Variants in STXBP5L observed in about 807,000 individuals in gnomAD.
STXBP5L encodes the protein syntaxin-binding protein 5-like.
STXBP5L carries 65 observed loss-of-function variants against 144.5 expected under a neutral mutation model. The ratio of observed to expected loss-of-function variants is 0.45; its 90% CI spans 0.37 to 0.55. STXBP5L has a LOEUF of 0.55. Ranked by LOEUF, STXBP5L falls within the 20% of genes least tolerant of loss-of-function variation. STXBP5L has a pLI of 0.00. For missense variants in STXBP5L, 1,298 were observed against 1,405.5 expected (o/e 0.92, Z 1.22); for synonymous variants, 505 against 469.6 (o/e 1.08, Z -0.97).
rs538396189 is a variant in STXBP5L, at chr3:121,045,444, G to A, written c.379G>A (p.Val127Ile). The change falls in exon 5 of 27, where the codon GTC (valine) becomes ATC (isoleucine). Residue 127 changes from valine (V) to isoleucine (I), a missense_variant. Val to Ile is a conservative substitution (Grantham distance 29, BLOSUM62 3). Coordinates refer to ENST00000471454, the MANE Select transcript of STXBP5L (RefSeq NM_001308330.2). Reference sequence around the variant, plus strand: ...CTTCTTTTTGTTCTAGGGTGCCTTGGTCAGTGCAAGTTCAGATGATACACT... The same window carrying A: ...CTTCTTTTTGTTCTAGGGTGCCTTGATCAGTGCAAGTTCAGATGATACACT... The part of the protein sequence containing the change: ...LQFLINEGAL[V>I]SASSDDTLHL... The A allele has an allele frequency of 6.8e-6, 11 of 1,609,456 alleles. No homozygotes were observed. In the East Asian group the frequency reaches 1.8e-4, roughly 26 times the overall value.
At chr3:121,252,121 A>G (rs1338525624) in intron 15 of STXBP5L, among the ~76,000 whole-genome samples, 2 of 152,150 alleles carry the variant, frequency 1.3e-5, no homozygotes, top group African/African-American at 2.4e-5. Flanking sequence ...GCACTTTGGG[A>G]GGCCTAAGCA....
intron 5 of STXBP5L, among the ~76,000 whole-genome samples, chr3:121,078,491 C>T (rs562614169): frequency 2.0e-5 from 3 of 152,370 alleles, no homozygotes; most frequent in South Asian, 4.1e-4. Flanking sequence ...TGCACCAGGG[C>T]CGCAGGTGGA....
chr3:121,170,461 G>T (rs1182794528), intron 9 of STXBP5L, among the ~76,000 whole-genome samples: 1 of 151,900 alleles, frequency 6.6e-6, no homozygotes, highest in Non-Finnish European at 1.5e-5. Flanking sequence ...TAATAAAGAA[G>T]AATAGAGACA....
At chr3:121,377,866 C>T (rs1027727445) in intron 20 of STXBP5L, among the ~76,000 whole-genome samples, 5 of 152,160 alleles carry the variant, frequency 3.3e-5, no homozygotes, top group Non-Finnish European at 7.3e-5. Context: ...AAGACACATG[C>T]ACACATATGT....
At chr3:120,975,681 T>C (rs1940899114) in intron 3 of STXBP5L, among the ~76,000 whole-genome samples, 1 of 152,192 alleles carries the variant, frequency 6.6e-6, no homozygotes, top group Non-Finnish European at 1.5e-5. Flanking sequence ...GCTGTAGGTT[T>C]GTCATAGATA....
At position 121,091,457 on chromosome 3, in the gene STXBP5L, T is replaced by A. The variant is rs1390917346; in HGVS notation, c.471-23468T>A. On this transcript the variant is annotated intron_variant, in intron 5 of 26. Transcript: ENST00000471454. ...CAGCACCTGTTGTTCCCTGACTTTT[T>A]AATGATTGCCATTCTAACTGGTGTG... is the stretch of plus-strand genomic sequence containing the variant. Among the ~76,000 whole-genome samples the A allele has an allele frequency of 2.6e-5, 4 of 152,100 alleles. No individual in the cohort carries two copies. In the East Asian group the frequency reaches 7.7e-4, roughly 29 times the overall value.
At chr3:121,241,830 A>G (rs900562212) in intron 14 of STXBP5L, among the ~76,000 whole-genome samples, 1 of 152,204 alleles carries the variant, frequency 6.6e-6, no homozygotes, top group Non-Finnish European at 1.5e-5. Flanking sequence ...CTATACCAAG[A>G]TAAATTATTG....
At chr3:121,008,150 A>T (rs779682859) in intron 3 of STXBP5L, among the ~76,000 whole-genome samples, 3 of 151,684 alleles carry the variant, frequency 2.0e-5, no homozygotes, top group Non-Finnish European at 4.4e-5. Context: ...TGCTTTCTCC[A>T]TTTGCTTATA....
intron 3 of STXBP5L, among the ~76,000 whole-genome samples, chr3:121,013,201 G>C (rs1015120152): frequency 1.3e-5 from 2 of 151,808 alleles, no homozygotes; most frequent in African/African-American, 4.8e-5. Context: ...ATTTTCCTTT[G>C]GATATATACC....
chr3:121,378,732 C>A lies in STXBP5L; in HGVS notation c.2193C>A (p.His731Gln). The change falls in exon 21 of 27, where the codon CAC (histidine) becomes CAA (glutamine). Residue 731 changes from histidine (H) to glutamine (Q), a missense_variant. By Grantham distance (24) the His-to-Gln change is conservative. Transcript: ENST00000471454. ...TTGGCACAGACCATGTAAATGGACACTGCACAAGTCCAACTTCTCAGAGTT... is the reference window on the plus strand; with the variant it reads ...TTGGCACAGACCATGTAAATGGACAATGCACAAGTCCAACTTCTCAGAGTT... The part of the protein sequence containing the change: ...KSPTSDHVNG[H>Q]CTSPTSQSCS... 1.9e-6 allele frequency: 3 copies of A among 1,613,498 alleles called. No homozygotes were observed. Among genetic ancestry groups the A allele is most frequent in the Non-Finnish European group, 2.5e-6 (3 of 1,179,706 alleles).
chr3:121,413,075 TA>T, intron 23 of STXBP5L, 82 bp from the exon 24 acceptor site: 6 of 1,066,214 alleles, frequency 5.6e-6, no homozygotes, highest in Non-Finnish European at 7.7e-6. Flanking sequence ...CATAAAATAA[TA>T]GAATAAAAAT....
intron 3 of STXBP5L, among the ~76,000 whole-genome samples, chr3:120,961,102 G>T (rs1309549741): frequency 6.6e-6 from 1 of 151,610 alleles, no homozygotes. Flanking sequence ...TTTAAAATTT[G>T]TTGGTGCATA....
At chr3:120,987,000 G>C (rs1049233132) in intron 3 of STXBP5L, among the ~76,000 whole-genome samples, 3 of 151,832 alleles carry the variant, frequency 2.0e-5, no homozygotes, top group African/African-American at 7.2e-5. Context: ...AAAGAAAAAA[G>C]AAAGTTATAG....
chr3:121,269,172 G>C (rs1023999570), intron 18 of STXBP5L, among the ~76,000 whole-genome samples: 1 of 152,034 alleles, frequency 6.6e-6, no homozygotes, highest in African/African-American at 2.4e-5. Context: ...ATTATTATAA[G>C]AAATATGTGG....
chr3:121,191,784 T>C (rs1470336680), intron 9 of STXBP5L, among the ~76,000 whole-genome samples: 1 of 152,140 alleles, frequency 6.6e-6, no homozygotes, highest in Non-Finnish European at 1.5e-5. Flanking sequence ...AAGGATGAGT[T>C]CTTGTCCTTT....
chr3:121,167,846 C>A (rs1297996366), intron 9 of STXBP5L, among the ~76,000 whole-genome samples: 1 of 152,172 alleles, frequency 6.6e-6, no homozygotes, highest in Non-Finnish European at 1.5e-5. Context: ...GGTCAGATTG[C>A]CTCCTCAAGT....
chr3:121,418,742 ATACTT>A (rs1156255520), intron 26 of STXBP5L, among the ~76,000 whole-genome samples, 185 bp downstream of exon 26: 2 of 150,460 alleles, frequency 1.3e-5, no homozygotes, highest in African/African-American at 2.4e-5. Flanking sequence ...TTTTAAAAAA[ATACTT>A]TAATGTATCG....
chr3:121,189,014 A>G (rs2047519772), intron 9 of STXBP5L, among the ~76,000 whole-genome samples: 1 of 152,246 alleles, frequency 6.6e-6, no homozygotes, highest in Admixed American at 6.5e-5. Flanking sequence ...AGAGGAAGTC[A>G]AATTGTCCCA....
At position 121,178,347 on chromosome 3, in the gene STXBP5L, A is replaced by G. The variant is rs148792488; in HGVS notation, c.877+20720A>G. Among the ~76,000 whole-genome samples the G allele has an allele frequency of 9.2e-4, 140 of 152,322 alleles. 1 individual carries two copies. Among genetic ancestry groups the G allele is most frequent in the African/African-American group, 3.2e-3 (131 of 41,572 alleles). On this transcript the variant is annotated intron_variant, in intron 9 of 26. Coordinates refer to ENST00000471454, the MANE Select transcript of STXBP5L (RefSeq NM_001308330.2). The stretch of plus-strand genomic sequence containing the variant: ...AGTCTCCCTTACAGGTAAGTTGGCC[A>G]TGTTTCCGTGTTCCAGTGAGTGAAA...
Sources: allele counts gnomAD v4.1 joint callset (sites outside exome capture counted in the v4.1 genomes callset), GRCh38; gene constraint gnomAD v4.1.1; transcripts MANE v1.5; gene names NCBI Gene and HGNC (gene_info 2026-07-23, HGNC 2026-07-21).